Variants in MACIR observed in about 807,000 individuals in gnomAD.
MACIR encodes the protein UNC119-binding protein C5orf30.
A neutral mutation model predicts 14.3 loss-of-function variants in MACIR; 4 were observed. The ratio of observed to expected loss-of-function variants is 0.28; its 90% CI spans 0.14 to 0.64. The LOEUF (loss-of-function observed/expected upper bound fraction) is 0.64. Among genes scored for constraint, MACIR ranks in the 30% least tolerant of loss-of-function variants. The pLI, the probability that MACIR is intolerant of heterozygous loss-of-function variation, is 0.83. For synonymous variants in MACIR, 101 were observed against 102.4 expected (o/e 0.99, Z 0.08); for missense variants, 228 against 257.6 (o/e 0.89, Z 0.79).
intron 1 of MACIR, chr5:103,259,425 C>G (rs1804586555): frequency 6.6e-6 from 1 of 152,166 alleles, no homozygotes; most frequent in African/African-American, 2.4e-5. Flanking sequence ...TCGCTCCCTC[C>G]CTTGGCCGCT....
Position 103,276,044 on chromosome 5 carries a change from C to G in MACIR, c.125C>G (p.Ser42Cys). The G allele has an allele frequency of 6.2e-7, 1 of 1,614,106 alleles. No individual in the cohort carries two copies. The highest frequency in any genetic ancestry group is 8.5e-7 in the Non-Finnish European group (1 of 1,180,018). ...CCCCGCTGCTCCAGCACACCCTGCT[C>G]CCCGATGCGGAGGACCGTGTCAGGC... is the stretch of plus-strand genomic sequence containing the variant. The part of the protein sequence containing the change: ...EKPRCSSTPC[S>C]PMRRTVSGYQ... Residue 42 changes from serine (S) to cysteine (C), a missense_variant, in exon 3 of 3, where the codon TCC (serine) becomes TGC (cysteine). Transcript: ENST00000319933.
chr5:103,271,410 A>G (rs769963913), intron 2 of MACIR, among the ~76,000 whole-genome samples: 1 of 152,102 alleles, frequency 6.6e-6, no homozygotes, highest in Non-Finnish European at 1.5e-5. Flanking sequence ...ATCCTGGTGC[A>G]CCAGGTTCTC....
intron 2 of MACIR, 38 bp downstream of exon 2, chr5:103,266,035 G>T (rs1160077300): frequency 6.6e-6 from 1 of 152,082 alleles, no homozygotes; most frequent in African/African-American, 2.4e-5. Context: ...GTTAACAGTT[G>T]TATGAACACA....
At chr5:103,263,761 A>G (rs1349931380) in intron 1 of MACIR, among the ~76,000 whole-genome samples, 1 of 152,196 alleles carries the variant, frequency 6.6e-6, no homozygotes, top group Non-Finnish European at 1.5e-5. Flanking sequence ...AGTATAAATG[A>G]AATCTATCCC....
At chr5:103,275,666 G>T (rs1379911552) in intron 2 of MACIR, among the ~76,000 whole-genome samples, 1 of 152,106 alleles carries the variant, frequency 6.6e-6, no homozygotes, top group Non-Finnish European at 1.5e-5. Flanking sequence ...TGAACTTTTT[G>T]GTAGTACATC....
Position 103,277,264 on chromosome 5 carries a change from G to A in MACIR, c.*724G>A, listed in dbSNP as rs1442624214. On this transcript the variant is annotated 3_prime_UTR_variant, in exon 3 of 3. Coordinates refer to ENST00000319933, the MANE Select transcript of MACIR (RefSeq NM_033211.4). The stretch of plus-strand genomic sequence containing the variant: ...AAAGTATTTATTTTACAATGGGTGG[G>A]CGGGGGAAACTTTTCCAGAAAGTTT... 2 of 166,914 alleles carry A rather than the reference G, an allele frequency of 1.2e-5. No homozygotes were observed. Among genetic ancestry groups the A allele is most frequent in the Non-Finnish European group, 2.9e-5 (2 of 68,078 alleles). 10.3% of individuals were successfully genotyped at this position (166,914 alleles called of 1,614,324 possible). A position where few individuals can be genotyped will look rare whatever the true frequency, so the allele number is the denominator to read the frequency against.
chr5:103,274,017 A>AT (rs538614954), intron 2 of MACIR, among the ~76,000 whole-genome samples: 3 of 151,042 alleles, frequency 2.0e-5, no homozygotes, highest in Non-Finnish European at 3.0e-5. Context: ...GGCCCTGGTT[A>AT]TTTTTTTTGC....
At position 103,277,955 on chromosome 5, in the gene MACIR, T is replaced by C. The variant is rs555789910; in HGVS notation, c.*1415T>C. The C allele has an allele frequency of 1.0e-4, 17 of 167,144 alleles. No individual in the cohort carries two copies. The East Asian group carries it at 3.1e-3, about 30-fold the overall frequency. The allele number at this position is 167,144 out of a possible 1,614,324, so 10.4% of individuals were successfully genotyped here. A position where few individuals can be genotyped will look rare whatever the true frequency, so the allele number is the denominator to read the frequency against. ...GAGTGGGTCATTCCTGGTGCAATTG[T>C]GATTTTTCTTTAGCCAGAATGAATG... On this transcript the variant is annotated 3_prime_UTR_variant, in exon 3 of 3. Coordinates refer to ENST00000319933, the MANE Select transcript of MACIR (RefSeq NM_033211.4).
intron 1 of MACIR, among the ~76,000 whole-genome samples, chr5:103,263,136 T>C (rs1401331854): frequency 6.6e-6 from 1 of 152,148 alleles, no homozygotes; most frequent in Non-Finnish European, 1.5e-5. Context: ...AAACGTATAA[T>C]CTTATACTAG....
chr5:103,264,122 G>A (rs1041692753), intron 1 of MACIR, among the ~76,000 whole-genome samples: 3 of 152,068 alleles, frequency 2.0e-5, no homozygotes, highest in Non-Finnish European at 2.9e-5. Context: ...TATACATTTT[G>A]CGGGATCATG....
rs571123869 is a variant in MACIR at position 103,268,658 on chromosome 5, C to A, written c.-24+2661C>A. ...AACTTGCAGAACCCAGGCTACACCC[C>A]AGATCAGTTAAATCACAAATCTGGG... On this transcript the variant is annotated intron_variant, in intron 2 of 2. Coordinates refer to ENST00000319933, the MANE Select transcript of MACIR (RefSeq NM_033211.4). 2.0e-5 allele frequency among the ~76,000 whole-genome samples: 3 copies of A among 152,194 alleles called. No individual in the cohort carries two copies. In the South Asian group the frequency reaches 6.2e-4, roughly 32 times the overall value.
chr5:103,270,501 A>G (rs541555891), intron 2 of MACIR, among the ~76,000 whole-genome samples: 2 of 152,346 alleles, frequency 1.3e-5, no homozygotes, highest in East Asian at 3.9e-4. Flanking sequence ...TAGTACATCA[A>G]TATGAATTAT....
rs1805380980 is a variant in MACIR, at chr5:103,277,523, G to A, written c.*983G>A. The A allele has an allele frequency of 1.8e-5, 3 of 167,008 alleles. No individual in the cohort carries two copies. The allele number at this position is 167,008 out of a possible 1,614,324, so 10.3% of individuals were successfully genotyped here. A position where few individuals can be genotyped will look rare whatever the true frequency, so the allele number is the denominator to read the frequency against. ...GTGATACCATTCAGCATGGCATCAG[G>A]TCATTGCAGTTTTAGTTCTGTGTAA... On this transcript the variant is annotated 3_prime_UTR_variant, in exon 3 of 3. Transcript: ENST00000319933.
intron 2 of MACIR, among the ~76,000 whole-genome samples, chr5:103,268,306 A>G (rs1805000085): frequency 1.3e-5 from 2 of 152,182 alleles, no homozygotes; most frequent in African/African-American, 4.8e-5. Context: ...AAGTAGCTAA[A>G]ATAACTACGC....
At chr5:103,273,370 T>A (rs372840054) in intron 2 of MACIR, among the ~76,000 whole-genome samples, 9 of 152,166 alleles carry the variant, frequency 5.9e-5, no homozygotes, top group African/African-American at 2.2e-4. Flanking sequence ...TATGGTGTTA[T>A]TGGCTGTTGG....
In MACIR at chr5:103,277,279, C is replaced by A. The variant is rs1316117030; in HGVS notation, c.*739C>A. The A allele has an allele frequency of 6.0e-6, 1 of 166,916 alleles. No individual in the cohort carries two copies. Among genetic ancestry groups the A allele is most frequent in the African/African-American group, 2.4e-5 (1 of 41,398 alleles). 10.3% of individuals were successfully genotyped at this position (166,916 alleles called of 1,614,324 possible). A position where few individuals can be genotyped will look rare whatever the true frequency, so the allele number is the denominator to read the frequency against. Reference sequence around the variant, plus strand: ...CAATGGGTGGGCGGGGGAAACTTTTCCAGAAAGTTTCCAATATGACGTTTT... The same window carrying A: ...CAATGGGTGGGCGGGGGAAACTTTTACAGAAAGTTTCCAATATGACGTTTT... On this transcript the variant is annotated 3_prime_UTR_variant, in exon 3 of 3. Coordinates refer to ENST00000319933, the MANE Select transcript of MACIR (RefSeq NM_033211.4).
intron 2 of MACIR, among the ~76,000 whole-genome samples, chr5:103,268,349 C>T (rs1157137865): frequency 2.0e-5 from 3 of 152,144 alleles, no homozygotes; most frequent in Non-Finnish European, 2.9e-5. Context: ...GCCCGATTCT[C>T]ATTCAGCACA....
At chr5:103,262,502 C>T (rs782286674) in intron 1 of MACIR, among the ~76,000 whole-genome samples, 4 of 152,164 alleles carry the variant, frequency 2.6e-5, no homozygotes, top group Admixed American at 2.0e-4. Flanking sequence ...TATATAGTCA[C>T]TCTTCTTTTG....
intron 2 of MACIR, among the ~76,000 whole-genome samples, chr5:103,270,220 A>G (rs533915141): frequency 6.6e-6 from 1 of 152,344 alleles, no homozygotes; most frequent in African/African-American, 2.4e-5. Context: ...TAAAAACCAG[A>G]AACATTATTA....
Sources: allele counts gnomAD v4.1 joint callset (sites outside exome capture counted in the v4.1 genomes callset), GRCh38; gene constraint gnomAD v4.1.1; transcripts MANE v1.5; gene names NCBI Gene and HGNC (gene_info 2026-07-23, HGNC 2026-07-21).